The following SMYD3 variants were observed in gnomAD, a reference collection of about 807,000 sequenced individuals.
SMYD3 encodes the protein SET and MYND domain containing 3, also known as histone-lysine N-methyltransferase SMYD3.
SMYD3 carries 36 observed loss-of-function variants against 57.7 expected under a neutral mutation model. The ratio of observed to expected loss-of-function variants is 0.62; its 90% CI spans 0.48 to 0.82. SMYD3 has a LOEUF of 0.82. SMYD3 is among the 40% of genes least tolerant of loss of function. The pLI, the probability that SMYD3 is intolerant of heterozygous loss-of-function variation, is 0.00. For missense variants in SMYD3, 515 were observed against 538.8 expected, an observed-to-expected ratio of 0.96 and a Z score of 0.44; for synonymous variants, 211 against 195.0, an observed-to-expected ratio of 1.08 and a Z score of -0.68.
chr1:246,306,581 C>A (rs1291616008), intron 5 of SMYD3, among the ~76,000 whole-genome samples: 1 of 152,062 alleles, frequency 6.6e-6, no homozygotes, highest in Non-Finnish European at 1.5e-5. Flanking sequence ...AGAGATCACA[C>A]AATACATAAA....
At position 245,884,020 on chromosome 1, in the gene SMYD3, C is replaced by G. The variant is rs141572245; in HGVS notation, c.814-20134G>C. Among the ~76,000 whole-genome samples the G allele has an allele frequency of 5.1e-3, 778 of 152,182 alleles. 8 individuals are homozygous for G. Among genetic ancestry groups the G allele is most frequent in the African/African-American group, 0.017 (723 of 41,510 alleles). On this transcript the variant is annotated intron_variant, in intron 8 of 11. Coordinates refer to ENST00000490107, the MANE Select transcript of SMYD3 (RefSeq NM_001167740.2). ...AAATATTAAATTTATACAGGGATAT[C>G]CAGGTCAGAGGATTCCAGAACTTGA...
At chr1:246,145,902 C>T (rs1462003996) in intron 5 of SMYD3, among the ~76,000 whole-genome samples, 1 of 152,046 alleles carries the variant, frequency 6.6e-6, no homozygotes, top group Non-Finnish European at 1.5e-5. Flanking sequence ...AGAGTCTTAC[C>T]GATATTAAGG....
chr1:246,020,658 T>A (rs1162928132), intron 5 of SMYD3, among the ~76,000 whole-genome samples: 3 of 152,178 alleles, frequency 2.0e-5, no homozygotes, highest in African/African-American at 7.2e-5. Flanking sequence ...AAATGCTCTA[T>A]CGGTGTAAAC....
chr1:246,081,471 C>T (rs981510073), intron 5 of SMYD3, among the ~76,000 whole-genome samples: 1 of 152,152 alleles, frequency 6.6e-6, no homozygotes, highest in Non-Finnish European at 1.5e-5. Context: ...TTGCTCACCA[C>T]AACCCCTGCC....
intron 5 of SMYD3, among the ~76,000 whole-genome samples, chr1:246,233,803 C>T (rs2063466051): frequency 7.8e-6 from 1 of 128,552 alleles, no homozygotes; most frequent in African/African-American, 3.0e-5. Flanking sequence ...CTGTGATGAA[C>T]ATATACCACA....
At chr1:245,805,814 T>G (rs537556885) in intron 10 of SMYD3, among the ~76,000 whole-genome samples, 1 of 152,260 alleles carries the variant, frequency 6.6e-6, no homozygotes, top group Non-Finnish European at 1.5e-5. Context: ...CAGTATCTGC[T>G]GTCTTACCTG....
At chr1:245,844,985 A>T (rs1318418183) in intron 10 of SMYD3, among the ~76,000 whole-genome samples, 1 of 152,218 alleles carries the variant, frequency 6.6e-6, no homozygotes, top group Non-Finnish European at 1.5e-5. Flanking sequence ...CCTATTATTG[A>T]ATTTTACTTC....
Position 245,946,652 on chromosome 1 carries a change from C to CA in SMYD3, c.532-16716dup, listed in dbSNP as rs2057437419. 2.6e-5 allele frequency among the ~76,000 whole-genome samples: 4 copies of CA among 152,140 alleles called. No homozygotes were observed. The South Asian group carries it at 8.3e-4, about 32-fold the overall frequency. Reference sequence around the variant, plus strand: ...CAGTTATGAAGGAAGTACGTACAGGCAGAGTGGGGAGGGGGTTAAGCTAAA... The same window carrying CA: ...CAGTTATGAAGGAAGTACGTACAGGCAAGAGTGGGGAGGGGGTTAAGCTAAA... On this transcript the variant is annotated intron_variant, in intron 5 of 11. Transcript: ENST00000490107.
At chr1:246,222,414 GATCTGTGCCTCATT>G (rs372810032) in intron 5 of SMYD3, among the ~76,000 whole-genome samples, 59 of 152,210 alleles carry the variant, frequency 3.9e-4, no homozygotes, top group African/African-American at 1.4e-3. Context: ...GATTTGAGCC[GATCTGTGCCTCATT>G]AGCTGTGTAA....
At chr1:246,367,421 T>C (rs961467467) in intron 1 of SMYD3, among the ~76,000 whole-genome samples, 6 of 152,198 alleles carry the variant, frequency 3.9e-5, no homozygotes, top group Admixed American at 6.5e-5. Flanking sequence ...AGGCAAAGTA[T>C]GGTGGTCTCA....
In SMYD3 at chr1:246,404,453, A is replaced by G. The variant is rs140113801; in HGVS notation, c.165-49359T>C. On this transcript the variant is annotated intron_variant, in intron 1 of 11. Transcript: ENST00000490107. Reference sequence around the variant, plus strand: ...ACCCACCTGCTAGACAAAGACAGACATGAAGACATGGCCACGAGGCCTCCA... The same window carrying G: ...ACCCACCTGCTAGACAAAGACAGACGTGAAGACATGGCCACGAGGCCTCCA... Among the ~76,000 whole-genome samples the G allele has an allele frequency of 2.1e-3, 322 of 152,352 alleles. 1 individual carries two copies. The highest frequency in any genetic ancestry group is 7.6e-3 in the African/African-American group (315 of 41,578).
At chr1:246,339,461 G>A (rs1425270716) in intron 2 of SMYD3, among the ~76,000 whole-genome samples, 1 of 152,134 alleles carries the variant, frequency 6.6e-6, no homozygotes, top group Admixed American at 6.6e-5. Context: ...CAAGATAGTA[G>A]AGAGGGCAAT....
chr1:246,491,415 C>T (rs946152824), intron 1 of SMYD3, among the ~76,000 whole-genome samples: 3 of 151,978 alleles, frequency 2.0e-5, no homozygotes, highest in African/African-American at 7.3e-5. Flanking sequence ...TAGCGGACAC[C>T]GGTAATTCCA....
chr1:245,953,288 A>G, intron 5 of SMYD3: 1 of 999,614 alleles, frequency 1.0e-6, no homozygotes, highest in Non-Finnish European at 1.2e-6. Flanking sequence ...TTCACTGCAC[A>G]TTAATATATC....
Position 245,927,954 on chromosome 1 carries a change from G to T in SMYD3, c.679C>A (p.Arg227=). The T allele has an allele frequency of 6.2e-7, 1 of 1,612,222 alleles. No individual in the cohort carries two copies. Among genetic ancestry groups the T allele is most frequent in the South Asian group, 1.1e-5 (1 of 91,026 alleles). The change falls in exon 7 of 12, where the codon CGA becomes AGA. Residue 227 remains arginine, a synonymous_variant. Transcript: ENST00000490107. ...NGPHLLLRAV[R]DIEVGEELTI... is the part of the protein sequence containing the mutation. ...ACCTCCTCTCCCACCTCGATGTCTC[G>T]GACTGCTCGCAGTAAGAGGTGGGGC... is the stretch of plus-strand genomic sequence containing the variant.
intron 1 of SMYD3, among the ~76,000 whole-genome samples, chr1:246,359,685 C>T (rs1189879918): frequency 6.6e-6 from 1 of 152,068 alleles, no homozygotes; most frequent in Non-Finnish European, 1.5e-5. Context: ...TGATATGCCA[C>T]ATAAACAGAA....
chr1:245,892,366 C>T (rs543920366), intron 8 of SMYD3, among the ~76,000 whole-genome samples: 19 of 152,262 alleles, frequency 1.2e-4, no homozygotes, highest in East Asian at 5.8e-4. Flanking sequence ...TCTAATTGAA[C>T]CCTTAAAGTA....
chr1:246,240,345 G>A (rs1005851742), intron 5 of SMYD3, among the ~76,000 whole-genome samples: 1 of 152,114 alleles, frequency 6.6e-6, no homozygotes, highest in Admixed American at 6.5e-5. Context: ...TATTAAATAG[G>A]GAATCTTTCC....
chr1:246,332,454 G>A (rs1020005842), intron 3 of SMYD3, among the ~76,000 whole-genome samples: 3 of 152,202 alleles, frequency 2.0e-5, no homozygotes, highest in Non-Finnish European at 4.4e-5. Flanking sequence ...AAGAGAAGCT[G>A]GAAGTTAACA....
Sources: gnomAD v4.1 joint callset for allele counts (sites outside exome capture counted in the v4.1 genomes callset) on GRCh38, gnomAD v4.1.1 for gene constraint, MANE v1.5 for transcripts, NCBI Gene and HGNC (gene_info 2026-07-23, HGNC 2026-07-21) for gene names.